GLG1: variants seen among roughly 807,000 people sequenced by gnomAD.
GLG1 encodes the protein Golgi apparatus protein 1.
GLG1 carries 38 observed loss-of-function variants against 160.5 expected under a neutral mutation model. The observed-to-expected ratio is 0.24, with a 90% CI of 0.18 to 0.31. The LOEUF (loss-of-function observed/expected upper bound fraction) is 0.31. Among genes scored for constraint, GLG1 ranks in the 10% least tolerant of loss-of-function variants. The pLI is 1.00. For missense variants in GLG1, 1,373 were observed against 1,505.2 expected (o/e 0.91, Z 1.45); for synonymous variants, 644 against 543.4 (o/e 1.19, Z -2.57).
chr16:74,563,417 G>A (rs1463949274), intron 1 of GLG1: 8 of 152,262 alleles, frequency 5.3e-5, no homozygotes, highest in Admixed American at 1.3e-4. Flanking sequence ...TGGAGTAAAC[G>A]ATACAGTGTC....
At chr16:74,564,480 T>C (rs1418635668) in intron 1 of GLG1, among the ~76,000 whole-genome samples, 1 of 152,228 alleles carries the variant, frequency 6.6e-6, no homozygotes, top group Admixed American at 6.5e-5. Flanking sequence ...TATAAATGTT[T>C]GCATGCAGCC....
At chr16:74,604,244 A>G (rs1481909761) in intron 1 of GLG1, among the ~76,000 whole-genome samples, 1 of 152,194 alleles carries the variant, frequency 6.6e-6, no homozygotes, top group Admixed American at 6.5e-5. Context: ...CAAAAAGCAA[A>G]AGTTAAGTTT....
intron 2 of GLG1, among the ~76,000 whole-genome samples, chr16:74,530,095 C>T (rs1274389176): frequency 7.9e-5 from 12 of 152,084 alleles, no homozygotes; most frequent in Admixed American, 1.3e-4. Flanking sequence ...TGGACTACTG[C>T]GCCCGGCTGG....
At chr16:74,567,182 G>A (rs1052614891) in intron 1 of GLG1, among the ~76,000 whole-genome samples, 22 of 151,424 alleles carry the variant, frequency 1.5e-4, no homozygotes, top group African/African-American at 5.3e-4. Flanking sequence ...TGTTGTGTGT[G>A]GGGGGTGTAG....
At chr16:74,468,922 G>C in intron 17 of GLG1, 24 bp downstream of exon 17, 2 of 1,424,688 alleles carry the variant, frequency 1.4e-6, no homozygotes, top group Middle Eastern at 1.8e-4. Context: ...GTGGTTTCTG[G>C]GAGCAGAGGC....
chr16:74,599,407 A>G (rs903493402), intron 1 of GLG1, among the ~76,000 whole-genome samples: 1 of 152,174 alleles, frequency 6.6e-6, no homozygotes, highest in Admixed American at 6.6e-5. Flanking sequence ...AAAGCACCGG[A>G]GCTGGAAGAA....
At chr16:74,504,391 G>A (rs2016523130) in intron 3 of GLG1, among the ~76,000 whole-genome samples, 1 of 152,134 alleles carries the variant, frequency 6.6e-6, no homozygotes, top group Non-Finnish European at 1.5e-5. Context: ...AGGTTCAAGT[G>A]ATTCTCCTGC....
At chr16:74,513,312 G>T (rs1372437579) in intron 2 of GLG1, among the ~76,000 whole-genome samples, 1 of 152,044 alleles carries the variant, frequency 6.6e-6, no homozygotes, top group Non-Finnish European at 1.5e-5. Flanking sequence ...TGTGGGCTAG[G>T]GGATGAAGGG....
At chr16:74,460,842 T>C (rs1470269859) in intron 22 of GLG1, among the ~76,000 whole-genome samples, 2 of 152,248 alleles carry the variant, frequency 1.3e-5, no homozygotes, top group East Asian at 1.9e-4. Flanking sequence ...AGCAAGGTTA[T>C]ATATAACCAA....
chr16:74,520,728 A>G (rs1462068856), intron 2 of GLG1, among the ~76,000 whole-genome samples: 1 of 152,190 alleles, frequency 6.6e-6, no homozygotes, highest in Non-Finnish European at 1.5e-5. Context: ...CTTTGACTGG[A>G]TATCATTTTT....
chr16:74,546,137 G>GAT (rs1406797747), intron 1 of GLG1, among the ~76,000 whole-genome samples: 2 of 152,098 alleles, frequency 1.3e-5, no homozygotes, highest in African/African-American at 2.4e-5. Context: ...GGAGAGTACT[G>GAT]GGAAATCTAA....
rs1445166607 is a variant in GLG1, at chr16:74,467,840, G to A, written c.2445C>T (p.Asp815=). 13 of 1,610,574 alleles carry A rather than the reference G, an allele frequency of 8.1e-6. No homozygotes were observed. Among genetic ancestry groups the A allele is most frequent in the Non-Finnish European group, 1.1e-5 (13 of 1,177,264 alleles). Residue 815 remains aspartate (D), a synonymous_variant, in exon 18 of 26, where the codon GAC becomes GAT. Transcript: ENST00000422840. ...LRVEELEMTE[D]IRLEPDLYEA... ...CGTATAGATCTGGCTCCAAGCGGAT[G>A]TCCTCCGTCTGCATGAGGGAGCCAG... is the stretch of plus-strand genomic sequence containing the variant.
intron 1 of GLG1, among the ~76,000 whole-genome samples, chr16:74,568,747 T>C (rs2018732856): frequency 6.6e-6 from 1 of 152,138 alleles, no homozygotes; most frequent in African/African-American, 2.4e-5. Context: ...TGCAAAGTGC[T>C]TAACCAATAG....
At position 74,467,856 on chromosome 16, in the gene GLG1, A is replaced by T. The variant is rs746183860; in HGVS notation, c.2437-8T>A. Reference sequence around the variant, plus strand: ...CAAGCGGATGTCCTCCGTCTGCATGAGGGAGCCAGCATGGAAAGGTGAGCT... The same window carrying T: ...CAAGCGGATGTCCTCCGTCTGCATGTGGGAGCCAGCATGGAAAGGTGAGCT... On this transcript the variant is annotated splice_polypyrimidine_tract_variant and splice_region_variant and intron_variant, in intron 17 of 25. Transcript: ENST00000422840. 24 of 1,593,214 alleles carry T rather than the reference A, an allele frequency of 1.5e-5. No individual in the cohort carries two copies. The highest frequency in any genetic ancestry group is 2.0e-5 in the Non-Finnish European group (23 of 1,162,940).
At chr16:74,598,776 C>T (rs1347256275) in intron 1 of GLG1, among the ~76,000 whole-genome samples, 7 of 151,428 alleles carry the variant, frequency 4.6e-5, no homozygotes, top group African/African-American at 7.3e-5. Flanking sequence ...CCCAGCTACT[C>T]GGGAGGCTGA....
intron 20 of GLG1, 195 bp from the exon 21 acceptor site, chr16:74,462,825 C>G: frequency 1.7e-6 from 1 of 595,644 alleles, no homozygotes; most frequent in Non-Finnish European, 2.9e-6. Flanking sequence ...ACGAGTACTT[C>G]TGGAGGTCCT....
chr16:74,558,825 A>G (rs1327112110), intron 1 of GLG1, among the ~76,000 whole-genome samples: 1 of 152,208 alleles, frequency 6.6e-6, no homozygotes, highest in African/African-American at 2.4e-5. Context: ...TATGGCTTAC[A>G]ATAAAATAAA....
intron 14 of GLG1, 46 bp downstream of exon 14, chr16:74,472,303 C>T: frequency 7.6e-7 from 1 of 1,307,606 alleles, no homozygotes; most frequent in Non-Finnish European, 1.1e-6. Flanking sequence ...GAGTCCCTGT[C>T]AATTTGTTTC....
chr16:74,550,445 C>T (rs2018167298), intron 1 of GLG1, among the ~76,000 whole-genome samples: 1 of 151,930 alleles, frequency 6.6e-6, no homozygotes, highest in Non-Finnish European at 1.5e-5. Flanking sequence ...ATGTGTCCGC[C>T]GTGTGTGGGT....
Sources: allele counts gnomAD v4.1 joint callset (sites outside exome capture counted in the v4.1 genomes callset), GRCh38; gene constraint gnomAD v4.1.1; transcripts MANE v1.5; gene names NCBI Gene and HGNC (gene_info 2026-07-23, HGNC 2026-07-21).